The following NRG3 variants were observed in gnomAD, a reference collection of about 807,000 sequenced individuals.
The protein encoded by NRG3 is neuregulin 3.
NRG3 carries 31 observed loss-of-function variants against 66.9 expected under a neutral mutation model. The observed-to-expected ratio is 0.46, with a 90% confidence interval of 0.35 to 0.63. The LOEUF (loss-of-function observed/expected upper bound fraction) is 0.63, where lower values mean the gene tolerates loss of function less well. Ranked by LOEUF, NRG3 falls within the 20% of genes least tolerant of loss-of-function variation. The probability of loss-of-function intolerance (pLI) is 0.00; values close to 1 mark genes in which losing one functional copy is unlikely to be tolerated. For missense variants in NRG3, 910 were observed against 878.9 expected (o/e 1.04, Z -0.45); for synonymous variants, 393 against 359.4 (o/e 1.09, Z -1.06).
intron 1 of NRG3, among the ~76,000 whole-genome samples, chr10:82,021,783 AGTATGTGTGTGTGTGTGT>A (rs1230555848): frequency 0.034 from 4,985 of 146,526 alleles, 115 homozygotes; most frequent in African/African-American, 0.053. Context: ...TTGGGCATGT[AGTATGTGTGTGTGTGTGT>A]GTGTGTGTGT....
At chr10:82,396,977 C>T (rs760840507) in intron 2 of NRG3, among the ~76,000 whole-genome samples, 14 of 152,238 alleles carry the variant, frequency 9.2e-5, no homozygotes, top group Non-Finnish European at 1.6e-4. Flanking sequence ...AAATCACAGG[C>T]TCTGTAACTT....
intron 2 of NRG3, among the ~76,000 whole-genome samples, chr10:82,512,786 GT>G (rs545692661): frequency 2.0e-5 from 3 of 151,882 alleles, no homozygotes; most frequent in East Asian, 1.9e-4. Context: ...ATAGTTTTGT[GT>G]TTTTTTGACT....
chr10:82,922,562 C>T lies in NRG3; in HGVS notation c.1055-28907C>T, dbSNP rs534923572. ...ACCCACCCTCATCTTGATAAACAGA[C>T]GCTGGAGGTTTAGATGCACCTGTGG... is the stretch of plus-strand genomic sequence containing the variant. On this transcript the variant is annotated intron_variant, in intron 4 of 8. Coordinates refer to ENST00000372141, the MANE Select transcript of NRG3 (RefSeq NM_001010848.4). Among the ~76,000 whole-genome samples, 14 of 152,214 alleles carry T rather than the reference C, an allele frequency of 9.2e-5. 1 individual carries two copies. Among genetic ancestry groups the T allele is most frequent in the South Asian group, 2.1e-4 (1 of 4,814 alleles).
At chr10:82,175,110 T>A (rs2072929535) in intron 1 of NRG3, among the ~76,000 whole-genome samples, 1 of 152,174 alleles carries the variant, frequency 6.6e-6, no homozygotes, top group Non-Finnish European at 1.5e-5. Flanking sequence ...CATTAAGACC[T>A]ACCCTTATAT....
At chr10:82,368,120 A>G (rs2084658840) in intron 2 of NRG3, among the ~76,000 whole-genome samples, 1 of 105,066 alleles carries the variant, frequency 9.5e-6, no homozygotes, top group Non-Finnish European at 1.7e-5. Context: ...TTGAGGCTTG[A>G]TATAGGTAAA....
intron 4 of NRG3, among the ~76,000 whole-genome samples, chr10:82,938,616 C>T (rs997612741): frequency 2.0e-5 from 3 of 152,188 alleles, no homozygotes; most frequent in African/African-American, 7.2e-5. Flanking sequence ...TAGCTTACAC[C>T]TCATCTGTCT....
chr10:82,322,000 G>C (rs2081604206), intron 1 of NRG3, among the ~76,000 whole-genome samples: 1 of 152,108 alleles, frequency 6.6e-6, no homozygotes, highest in Non-Finnish European at 1.5e-5. Flanking sequence ...TGCCATAGTG[G>C]TAAGAAAATT....
intron 3 of NRG3, among the ~76,000 whole-genome samples, chr10:82,742,810 AC>A (rs2058482565): frequency 6.6e-6 from 1 of 151,838 alleles, no homozygotes; most frequent in African/African-American, 2.4e-5. Context: ...ACCCATTCCC[AC>A]CCAGGGTAGT....
At chr10:82,071,453 G>A (rs1196143423) in intron 1 of NRG3, among the ~76,000 whole-genome samples, 1 of 152,162 alleles carries the variant, frequency 6.6e-6, no homozygotes, top group East Asian at 1.9e-4. Flanking sequence ...GAAACCTGCT[G>A]ATATCAGAGA....
At chr10:82,604,177 C>T (rs1165898684) in intron 2 of NRG3, among the ~76,000 whole-genome samples, 1 of 152,214 alleles carries the variant, frequency 6.6e-6, no homozygotes, top group African/African-American at 2.4e-5. Context: ...TCCAAAATCC[C>T]TTTTGTTCCA....
chr10:82,100,720 G>A (rs2066677802), intron 1 of NRG3, among the ~76,000 whole-genome samples: 1 of 151,970 alleles, frequency 6.6e-6, no homozygotes, highest in Non-Finnish European at 1.5e-5. Flanking sequence ...ACTATACTTG[G>A]TAATATATTT....
intron 8 of NRG3, 39 bp downstream of exon 8, chr10:82,979,159 C>G: frequency 4.4e-6 from 7 of 1,593,414 alleles, no homozygotes; most frequent in Non-Finnish European, 5.2e-6. Flanking sequence ...GGGAGGGTGT[C>G]TTTAATGCCA....
intron 2 of NRG3, among the ~76,000 whole-genome samples, chr10:82,570,905 C>T (rs2045690012): frequency 6.6e-6 from 1 of 151,554 alleles, no homozygotes; most frequent in Non-Finnish European, 1.5e-5. Flanking sequence ...CCACACATTC[C>T]TCATATATAT....
Position 81,875,677 on chromosome 10 carries a change from T to G in NRG3, c.337T>G (p.Phe113Val). ...CTCCAAGGGGATGGGCCAGGACCCC[T>G]TCTTCCTCTCCAAGCCCAGCTCTTT... The part of the protein sequence containing the change: ...VDSKGMGQDP[F>V]FLSKPSSFPK... Residue 113 changes from phenylalanine (F) to valine (V), a missense_variant, in exon 1 of 9, where the codon TTC becomes GTC. By Grantham distance (50) the Phe-to-Val change is conservative. Coordinates refer to ENST00000372141, the MANE Select transcript of NRG3 (RefSeq NM_001010848.4). This position sits in a 1 kb window ranked among gnomAD's most constrained non-coding sequence, Gnocchi z 5.3. The G allele has an allele frequency of 6.2e-7, 1 of 1,613,800 alleles. No homozygotes were observed. The highest frequency in any genetic ancestry group is 8.5e-7 in the Non-Finnish European group (1 of 1,179,922).
chr10:82,347,824 G>C (rs2083133898), intron 1 of NRG3, among the ~76,000 whole-genome samples: 1 of 151,814 alleles, frequency 6.6e-6, no homozygotes, highest in Non-Finnish European at 1.5e-5. Flanking sequence ...TTATGTAATG[G>C]CCTTCTTTGT....
intron 1 of NRG3, among the ~76,000 whole-genome samples, chr10:82,135,358 TTTAA>T (rs1203037229): frequency 6.6e-6 from 1 of 152,120 alleles, no homozygotes; most frequent in Non-Finnish European, 1.5e-5. Context: ...TGTAACTTTC[TTTAA>T]TTGACTATTG....
At chr10:82,074,202 T>C (rs946384038) in intron 1 of NRG3, among the ~76,000 whole-genome samples, 5 of 152,106 alleles carry the variant, frequency 3.3e-5, no homozygotes, top group Admixed American at 1.3e-4. Flanking sequence ...TCTGAATTTC[T>C]GGGGTGGGGT....
chr10:82,156,195 A>C (rs544786297), intron 1 of NRG3, among the ~76,000 whole-genome samples: 1 of 151,058 alleles, frequency 6.6e-6, no homozygotes, highest in African/African-American at 2.4e-5. Flanking sequence ...CAGAAAGCAA[A>C]AGCGATATCA....
In NRG3 at chr10:82,973,881, C is replaced by G. The variant is rs1177560478; in HGVS notation, c.1378C>G (p.Pro460Ala). ...CCAGTCATTCCCTGAGGTCCCTTCT[C>G]CTGACAGAGGAAGCCAGTCTGTCAA... is the stretch of plus-strand genomic sequence containing the variant. Reference protein sequence around the residue: ...GPQSFPEVPSPDRGSQSVKHH... With the variant: ...GPQSFPEVPSADRGSQSVKHH... Residue 460 changes from proline to alanine, a missense_variant, in exon 7 of 9, where the codon CCT becomes GCT. Coordinates refer to ENST00000372141, the MANE Select transcript of NRG3 (RefSeq NM_001010848.4). The G allele has an allele frequency of 6.2e-7, 1 of 1,613,954 alleles. No homozygotes were observed. Among genetic ancestry groups the G allele is most frequent in the East Asian group, 2.2e-5 (1 of 44,868 alleles).
Sources: gnomAD v4.1 joint callset for allele counts (sites outside exome capture counted in the v4.1 genomes callset) on GRCh38, gnomAD v4.1.1 for gene constraint, Gnocchi (gnomAD v3.1) non-coding constraint, MANE v1.5 for transcripts, NCBI Gene and HGNC (gene_info 2026-07-23, HGNC 2026-07-21) for gene names.